Variants in FEZ2 observed in about 807,000 individuals in gnomAD.
The protein encoded by FEZ2 is fasciculation and elongation protein zeta-2.
Under a neutral mutation model 40.4 loss-of-function variants are expected in FEZ2, and 51 were observed. The observed-to-expected ratio is 1.26, with a 90% CI of 1.01 to 1.59. FEZ2 has a LOEUF of 1.59. FEZ2 is among the 40% of genes most tolerant of loss of function. The pLI is 0.00. For synonymous variants in FEZ2, 242 were observed against 172.0 expected, an observed-to-expected ratio of 1.41 and a Z score of -3.18; for missense variants, 640 against 438.3, an observed-to-expected ratio of 1.46 and a Z score of -4.11.
intron 1 of FEZ2, among the ~76,000 whole-genome samples, chr2:36,593,039 C>G (rs1489044786): frequency 6.6e-6 from 1 of 152,170 alleles, no homozygotes; most frequent in Non-Finnish European, 1.5e-5. Flanking sequence ...ACTAAACTTG[C>G]TGGGTTTCTG....
At chr2:36,581,538 TC>T (rs1668748429) in intron 3 of FEZ2, 107 bp from the exon 4 acceptor site, 1 of 916,442 alleles carries the variant, frequency 1.1e-6, no homozygotes, top group African/African-American at 1.6e-5. Context: ...CACTGAATTC[TC>T]CATTAACCAA....
intron 5 of FEZ2, chr2:36,560,920 T>C (rs1046943135): frequency 8.8e-7 from 1 of 1,134,944 alleles, no homozygotes. Flanking sequence ...AAGTTCAAAG[T>C]CTATTAGTAA....
At chr2:36,581,113 C>A (rs577303142) in intron 4 of FEZ2, among the ~76,000 whole-genome samples, 177 bp downstream of exon 4, 5 of 152,130 alleles carry the variant, frequency 3.3e-5, no homozygotes, top group Admixed American at 1.3e-4. Context: ...CATGCCACTT[C>A]ATTCCAGCTT....
chr2:36,586,284 C>A (rs557695384), intron 2 of FEZ2, among the ~76,000 whole-genome samples: 1 of 152,100 alleles, frequency 6.6e-6, no homozygotes, highest in African/African-American at 2.4e-5. Context: ...ACTTGAGGAC[C>A]ATGATTTTGT....
chr2:36,596,512 A>C (rs1669226810), intron 1 of FEZ2, among the ~76,000 whole-genome samples: 1 of 152,188 alleles, frequency 6.6e-6, no homozygotes, highest in Admixed American at 6.5e-5. Flanking sequence ...GCTGGAGTGC[A>C]GTTGTGCGAT....
intron 1 of FEZ2, among the ~76,000 whole-genome samples, chr2:36,595,480 G>A (rs535434463): frequency 6.6e-6 from 1 of 152,142 alleles, no homozygotes; most frequent in Non-Finnish European, 1.5e-5. Context: ...TGGCTGATCT[G>A]ACAGGAGGTG....
intron 4 of FEZ2, among the ~76,000 whole-genome samples, chr2:36,580,892 G>A (rs554850629): frequency 1.3e-5 from 2 of 152,232 alleles, no homozygotes; most frequent in South Asian, 4.2e-4. Flanking sequence ...GGTGGCTCAC[G>A]CCTGTAACTG....
chr2:36,593,394 C>T (rs13000354), intron 1 of FEZ2, among the ~76,000 whole-genome samples: 36,659 of 152,056 alleles, frequency 0.24, 5,164 homozygotes, highest in South Asian at 0.42. Context: ...CAGAGGTTCT[C>T]CATGAGGGCC....
rs932373234 is a variant in FEZ2, at chr2:36,583,489, T to A, written c.376-20A>T. The A allele has an allele frequency of 6.5e-6, 8 of 1,240,054 alleles. No homozygotes were observed. Among genetic ancestry groups the A allele is most frequent in the Non-Finnish European group, 9.5e-6 (8 of 839,986 alleles). The allele number at this position is 1,240,054 out of a possible 1,614,324, so 76.8% of individuals were successfully genotyped here. A position where few individuals can be genotyped will look rare whatever the true frequency, so the allele number is the denominator to read the frequency against. Reference sequence around the variant, plus strand: ...ACTTACCTAAAAACAAAAATACCCATCATTAAAAGCAGGACATCCTCATCA... The same window carrying A: ...ACTTACCTAAAAACAAAAATACCCAACATTAAAAGCAGGACATCCTCATCA... On this transcript the variant is annotated intron_variant, in intron 2 of 7. Transcript: ENST00000405912.
chr2:36,579,378 G>GT (rs1230070100), intron 4 of FEZ2, among the ~76,000 whole-genome samples: 2 of 152,222 alleles, frequency 1.3e-5, no homozygotes, highest in Non-Finnish European at 2.9e-5. Flanking sequence ...GATATGGTTT[G>GT]TATCTGTGTC....
At chr2:36,580,697 G>T (rs1668711442) in intron 4 of FEZ2, among the ~76,000 whole-genome samples, 1 of 152,104 alleles carries the variant, frequency 6.6e-6, no homozygotes, top group East Asian at 1.9e-4. Flanking sequence ...AATATGATGG[G>T]GTTTCTTATA....
At chr2:36,563,355 C>T (rs1340699277) in intron 5 of FEZ2, among the ~76,000 whole-genome samples, 1 of 152,164 alleles carries the variant, frequency 6.6e-6, no homozygotes, top group Non-Finnish European at 1.5e-5. Flanking sequence ...GTCCTTGCTG[C>T]TGATGGCTGC....
At chr2:36,560,323 A>T (rs1558441736) in intron 5 of FEZ2, among the ~76,000 whole-genome samples, 1 of 152,226 alleles carries the variant, frequency 6.6e-6, no homozygotes, top group Admixed American at 6.5e-5. Flanking sequence ...TTTCATTTAA[A>T]GGAGGTAAGA....
At chr2:36,561,046 T>G (rs973550336) in intron 5 of FEZ2, among the ~76,000 whole-genome samples, 5 of 152,262 alleles carry the variant, frequency 3.3e-5, no homozygotes, top group African/African-American at 1.2e-4. Flanking sequence ...CTTCCATTTC[T>G]TTGCAAGTTA....
chr2:36,578,542 GACT>G, intron 5 of FEZ2, 52 bp downstream of exon 5: 1 of 1,559,324 alleles, frequency 6.4e-7, no homozygotes, highest in Non-Finnish European at 8.7e-7. Context: ...CAAAGGCTGG[GACT>G]ACCACAGAAC....
chr2:36,575,053 G>A (rs1376339957), intron 5 of FEZ2, among the ~76,000 whole-genome samples: 1 of 152,110 alleles, frequency 6.6e-6, no homozygotes, highest in African/African-American at 2.4e-5. Flanking sequence ...CCAGCCTTTG[G>A]TTTTCTTCAT....
chr2:36,591,909 T>C (rs894298813), intron 1 of FEZ2, among the ~76,000 whole-genome samples: 1 of 152,190 alleles, frequency 6.6e-6, no homozygotes, highest in Admixed American at 6.5e-5. Flanking sequence ...TAAGCATTAA[T>C]TCAAATGAGG....
At chr2:36,563,216 C>G (rs1451751460) in intron 5 of FEZ2, among the ~76,000 whole-genome samples, 1 of 152,158 alleles carries the variant, frequency 6.6e-6, no homozygotes, top group Admixed American at 6.5e-5. Context: ...TTTTGTGCCA[C>G]CAGAATTTTA....
chr2:36,595,858 G>C (rs9941555), intron 1 of FEZ2, among the ~76,000 whole-genome samples: 18,892 of 152,102 alleles, frequency 0.12, 1,346 homozygotes, highest in South Asian at 0.17. Context: ...TAACAAGAGC[G>C]ACAAAATATT....
Sources: allele counts gnomAD v4.1 joint callset (sites outside exome capture counted in the v4.1 genomes callset), GRCh38; gene constraint gnomAD v4.1.1; transcripts MANE v1.5; gene names NCBI Gene and HGNC (gene_info 2026-07-23, HGNC 2026-07-21).